The following CTNND2 variants were observed in gnomAD, a reference collection of about 807,000 sequenced individuals.
The protein encoded by CTNND2 is catenin delta-2.
A neutral mutation model predicts 144.4 loss-of-function variants in CTNND2; 22 were observed. That is an observed-to-expected ratio of 0.15 (90% CI 0.11 to 0.22). The LOEUF is 0.22. CTNND2 is among the 10% of genes least tolerant of loss of function. The probability of loss-of-function intolerance (pLI) is 1.00; values close to 1 mark genes in which losing one functional copy is unlikely to be tolerated. For missense variants in CTNND2, 1,353 were observed against 1,618.8 expected (o/e 0.84, Z 2.82); for synonymous variants, 751 against 695.6 (o/e 1.08, Z -1.25).
At chr5:11,554,088 C>T (rs555722964) in intron 3 of CTNND2, among the ~76,000 whole-genome samples, 18 of 152,110 alleles carry the variant, frequency 1.2e-4, no homozygotes, top group Admixed American at 5.2e-4. Context: ...AACTATTATA[C>T]GCTTAATATG....
intron 2 of CTNND2, among the ~76,000 whole-genome samples, chr5:11,662,044 CAT>C (rs137864008): frequency 0.02 from 3,064 of 149,826 alleles, 101 homozygotes; most frequent in African/African-American, 0.071. Context: ...CACACACACA[CAT>C]ATATATACAT....
intron 7 of CTNND2, among the ~76,000 whole-genome samples, chr5:11,378,452 T>C (rs1367032389): frequency 1.3e-5 from 2 of 152,236 alleles, no homozygotes; most frequent in Non-Finnish European, 2.9e-5. Context: ...TTTACAAGGT[T>C]AAAGTTGATT....
At chr5:11,500,936 C>T (rs1442543626) in intron 3 of CTNND2, among the ~76,000 whole-genome samples, 2 of 152,120 alleles carry the variant, frequency 1.3e-5, no homozygotes, top group African/African-American at 4.8e-5. Flanking sequence ...ATTGCATTAG[C>T]CAGAACATTA....
At chr5:11,372,354 A>G (rs1757541316) in intron 7 of CTNND2, among the ~76,000 whole-genome samples, 1 of 152,164 alleles carries the variant, frequency 6.6e-6, no homozygotes, top group African/African-American at 2.4e-5. Context: ...TCCTTTGTTC[A>G]GTTCTTTTTG....
chr5:11,475,751 G>A (rs1254531523), intron 3 of CTNND2, among the ~76,000 whole-genome samples: 1 of 152,134 alleles, frequency 6.6e-6, no homozygotes, highest in Non-Finnish European at 1.5e-5. Flanking sequence ...GATATTTTAT[G>A]TCCTATATTC....
At chr5:11,246,215 G>A (rs10474914) in intron 9 of CTNND2, among the ~76,000 whole-genome samples, 2,015 of 152,330 alleles carry the variant, frequency 0.013, 46 homozygotes, top group Admixed American at 0.045. Flanking sequence ...TGTACTATTT[G>A]TCAGATAGTG....
chr5:11,483,536 A>T (rs535921514), intron 3 of CTNND2, among the ~76,000 whole-genome samples: 1 of 152,328 alleles, frequency 6.6e-6, no homozygotes, highest in South Asian at 2.1e-4. Flanking sequence ...AGTGTTTTAA[A>T]AGAAGAGATT....
intron 15 of CTNND2, among the ~76,000 whole-genome samples, chr5:11,092,197 T>C (rs529001918): frequency 2.0e-5 from 3 of 152,358 alleles, no homozygotes; most frequent in African/African-American, 4.8e-5. Context: ...AAAACCCCAA[T>C]GTTTCACATA....
At position 11,843,756 on chromosome 5, in the gene CTNND2, T is replaced by G. The variant is rs565029593; in HGVS notation, c.37+60061A>C. Among the ~76,000 whole-genome samples the G allele has an allele frequency of 2.0e-5, 3 of 152,340 alleles. No individual in the cohort carries two copies. In the South Asian group the frequency reaches 6.2e-4, roughly 32 times the overall value. On this transcript the variant is annotated intron_variant, in intron 1 of 21. Transcript: ENST00000304623. ...AGAAATGTTAAATAATTATTTATGATCCTAGGAAATTGACTCTTTGACTCT... is the reference window on the plus strand; with the variant it reads ...AGAAATGTTAAATAATTATTTATGAGCCTAGGAAATTGACTCTTTGACTCT...
At chr5:11,252,888 T>C (rs767590353) in intron 9 of CTNND2, among the ~76,000 whole-genome samples, 1 of 152,244 alleles carries the variant, frequency 6.6e-6, no homozygotes, top group African/African-American at 2.4e-5. Flanking sequence ...ATGTTTCTTA[T>C]GGCTCTTTCA....
intron 3 of CTNND2, among the ~76,000 whole-genome samples, chr5:11,511,013 A>T (rs1771588433): frequency 6.6e-6 from 1 of 152,090 alleles, no homozygotes; most frequent in South Asian, 2.1e-4. Flanking sequence ...TACAGCAAAG[A>T]CTCTACATGA....
chr5:11,821,069 T>A (rs73743279), intron 1 of CTNND2, among the ~76,000 whole-genome samples: 12 of 152,304 alleles, frequency 7.9e-5, no homozygotes, highest in African/African-American at 2.9e-4. Flanking sequence ...GTAAAGAATA[T>A]TACTTTCTCC....
intron 18 of CTNND2, among the ~76,000 whole-genome samples, chr5:10,993,794 A>C (rs567166987): frequency 2.6e-5 from 4 of 152,196 alleles, no homozygotes; most frequent in Non-Finnish European, 5.9e-5. Flanking sequence ...TAGATACACA[A>C]AGATTAGTCT....
intron 1 of CTNND2, among the ~76,000 whole-genome samples, chr5:11,844,118 T>C (rs368877740): frequency 6.6e-6 from 1 of 152,326 alleles, no homozygotes; most frequent in African/African-American, 2.4e-5. Context: ...CAGCTTTAAC[T>C]TCCCACATTC....
At chr5:11,427,963 G>T (rs1170759690) in intron 3 of CTNND2, among the ~76,000 whole-genome samples, 1 of 152,128 alleles carries the variant, frequency 6.6e-6, no homozygotes, top group Non-Finnish European at 1.5e-5. Context: ...GGGGGGAGGC[G>T]AAAGGCACTT....
chr5:11,481,606 G>A (rs921017170), intron 3 of CTNND2, among the ~76,000 whole-genome samples: 1 of 151,688 alleles, frequency 6.6e-6, no homozygotes, highest in African/African-American at 2.4e-5. Flanking sequence ...CTGGAGAGAG[G>A]GAGAGGGAGG....
intron 1 of CTNND2, among the ~76,000 whole-genome samples, chr5:11,737,240 C>T (rs958021222): frequency 1.3e-5 from 2 of 152,166 alleles, no homozygotes; most frequent in African/African-American, 4.8e-5. Flanking sequence ...TCTCCATTAT[C>T]CTCTCAGGCT....
intron 1 of CTNND2, among the ~76,000 whole-genome samples, chr5:11,857,322 C>G (rs766440071): frequency 4.6e-5 from 7 of 152,028 alleles, no homozygotes; most frequent in African/African-American, 9.7e-5. Context: ...TTGCAGGGGG[C>G]ATGTGTGGCG....
intron 9 of CTNND2, among the ~76,000 whole-genome samples, chr5:11,315,351 C>T (rs1410775005): frequency 6.6e-6 from 1 of 151,796 alleles, no homozygotes; most frequent in Non-Finnish European, 1.5e-5. Flanking sequence ...TACTCCACAT[C>T]TGAACAATAT....
Sources: gnomAD v4.1 joint callset for allele counts (sites outside exome capture counted in the v4.1 genomes callset) on GRCh38, gnomAD v4.1.1 for gene constraint, MANE v1.5 for transcripts, NCBI Gene and HGNC (gene_info 2026-07-23, HGNC 2026-07-21) for gene names.